LRRC56: variants seen among roughly 807,000 people sequenced by gnomAD.
The protein encoded by LRRC56 is leucine-rich repeat-containing protein 56.
In LRRC56, 41 loss-of-function variants were observed where a neutral mutation model predicts 47.8. The ratio of observed to expected loss-of-function variants is 0.86; its 90% confidence interval spans 0.67 to 1.11. The LOEUF is 1.11. Ranked by LOEUF, LRRC56 falls within the 50% of genes most tolerant of loss-of-function variation. LRRC56 has a pLI of 0.00. For missense variants in LRRC56, 759 were observed against 704.2 expected (o/e 1.08, Z -0.88); for synonymous variants, 387 against 311.2 (o/e 1.24, Z -2.56).
Position 554,851 on chromosome 11 carries a change from C to G in LRRC56, c.*575C>G, listed in dbSNP as rs958710966. On this transcript the variant is annotated 3_prime_UTR_variant, in exon 14 of 14. Coordinates refer to ENST00000270115, the MANE Select transcript of LRRC56 (RefSeq NM_198075.4). Reference sequence around the variant, plus strand: ...AACCCAAACCAACATTTCCAGCTCTCAGGTGTACAGAAATGCGGTTTACTT... The same window carrying G: ...AACCCAAACCAACATTTCCAGCTCTGAGGTGTACAGAAATGCGGTTTACTT... The G allele has an allele frequency of 2.7e-5, 18 of 656,286 alleles. No individual in the cohort carries two copies. The highest frequency in any genetic ancestry group is 4.3e-5 in the Non-Finnish European group (18 of 417,010). The allele number at this position is 656,286 out of a possible 1,614,324, so 40.7% of individuals were successfully genotyped here.
the LRRC56 span, among the ~76,000 whole-genome samples, chr11:518,343 A>G: frequency 1.3e-5 from 2 of 151,880 alleles, no homozygotes; most frequent in South Asian, 2.1e-4. Context: ...CACCACGCCC[A>G]GCTAATTTTT....
chr11:512,917 G>A, the LRRC56 span, among the ~76,000 whole-genome samples: 2 of 152,184 alleles, frequency 1.3e-5, no homozygotes, highest in Non-Finnish European at 2.9e-5. Context: ...CAGGCATGGT[G>A]GGAGTTACTA....
In LRRC56 at chr11:541,556, A is replaced by G. The variant is rs1328355655; in HGVS notation, c.197A>G (p.Asp66Gly). 2.5e-6 allele frequency: 4 copies of G among 1,580,784 alleles called. No individual in the cohort carries two copies. Among genetic ancestry groups the G allele is most frequent in the Non-Finnish European group, 3.4e-6 (4 of 1,161,892 alleles). ...CTACAGCAGGCCCTGGCCCGGGTGGATGACCTTCGGCTGGTGAGGACGCTG... is the reference window on the plus strand; with the variant it reads ...CTACAGCAGGCCCTGGCCCGGGTGGGTGACCTTCGGCTGGTGAGGACGCTG... ...PARLQALARV[D>G]DLRLVRTLEM... Residue 66 changes from aspartate to glycine, a missense_variant, in exon 5 of 14, where the codon GAT (aspartate) becomes GGT (glycine). By Grantham distance (94) the Asp-to-Gly change is moderately conservative. Transcript: ENST00000270115. This position sits in a 1 kb window ranked among gnomAD's most constrained non-coding sequence, Gnocchi z 4.1.
intron 5 of LRRC56, among the ~76,000 whole-genome samples, chr11:542,865 A>G (rs1334075912): frequency 1.3e-5 from 2 of 151,762 alleles, no homozygotes; most frequent in Non-Finnish European, 2.9e-5. Context: ...CATGCTGAAG[A>G]CCATATTCAA....
At chr11:509,640 C>G in the LRRC56 span, among the ~76,000 whole-genome samples, 79 of 152,152 alleles carry the variant, frequency 5.2e-4, 3 homozygotes, top group South Asian at 0.016. Flanking sequence ...CTCCGCCTCC[C>G]AGGTTCAAGC....
chr11:554,105 G>A lies in LRRC56; in HGVS notation c.1458G>A (p.Gly486=), dbSNP rs1156802670. The A allele has an allele frequency of 1.2e-6, 2 of 1,606,522 alleles. No individual in the cohort carries two copies. The highest frequency in any genetic ancestry group is 1.7e-6 in the Non-Finnish European group (2 of 1,178,320). Residue 486 remains glycine, a synonymous_variant, in exon 14 of 14, where the codon GGG becomes GGA. Coordinates refer to ENST00000270115, the MANE Select transcript of LRRC56 (RefSeq NM_198075.4). Reference sequence around the variant, plus strand: ...GGCTCCGAGTCCTGGGCAGCTGGGGGCCTGGCCTGGGTGATGGGGTGGCTG... The same window carrying A: ...GGCTCCGAGTCCTGGGCAGCTGGGGACCTGGCCTGGGTGATGGGGTGGCTG... The part of the protein sequence containing the change: ...GRRLRVLGSW[G]PGLGDGVAAV...
At chr11:506,829 C>T in the LRRC56 span, 39 of 152,318 alleles carry the variant, frequency 2.6e-4, no homozygotes, top group African/African-American at 9.2e-4. Context: ...GCCCCGCGCC[C>T]CGGGCAAGGA....
chr11:544,808 GC>G lies in LRRC56; in HGVS notation c.326+31del, dbSNP rs1404671108. The G allele has an allele frequency of 1.9e-6, 3 of 1,557,422 alleles. No homozygotes were observed. In the Middle Eastern group the frequency reaches 5.2e-4, roughly 268 times the overall value. ...GAGCGCCTGAGGGGGGTGGGCTGGG[GC>G]CCTGCCATGAGGGGGTCCGATGGGA... is the stretch of plus-strand genomic sequence containing the variant. On this transcript the variant is annotated intron_variant, in intron 6 of 13. Coordinates refer to ENST00000270115, the MANE Select transcript of LRRC56 (RefSeq NM_198075.4).
intron 5 of LRRC56, among the ~76,000 whole-genome samples, chr11:542,812 C>G (rs1019866808): frequency 1.3e-5 from 2 of 151,992 alleles, no homozygotes; most frequent in Non-Finnish European, 2.9e-5. Flanking sequence ...AAATGCAGTG[C>G]GATGGCCAAA....
chr11:554,086 G>C lies in LRRC56; in HGVS notation c.1439G>C (p.Arg480Pro), dbSNP rs758847206. Residue 480 changes from arginine (R) to proline (P), a missense_variant, in exon 14 of 14, where the codon CGA becomes CCA. Arg to Pro is a moderately radical substitution (Grantham distance 103, BLOSUM62 -2). Coordinates refer to ENST00000270115, the MANE Select transcript of LRRC56 (RefSeq NM_198075.4). ...CTGCAGTCCAGGGGGCGTCGGCTCC[G>C]AGTCCTGGGCAGCTGGGGGCCTGGC... ...TDLQSRGRRL[R>P]VLGSWGPGLG... 6.2e-7 allele frequency: 1 copy of C among 1,608,456 alleles called. No homozygotes were observed. The highest frequency in any genetic ancestry group is 1.7e-5 in the Admixed American group (1 of 59,756).
At position 554,752 on chromosome 11, in the gene LRRC56, CTCCGGGGGATCTGTAGGGT is replaced by C; in HGVS notation, c.*480_*498del. On this transcript the variant is annotated 3_prime_UTR_variant, in exon 14 of 14. Coordinates refer to ENST00000270115, the MANE Select transcript of LRRC56 (RefSeq NM_198075.4). ...CGGGGGTGCGGTCCAGGCCTCCCGT[CTCCGGGGGATCTGTAGGGT>C]TCCCGCACTGCGATAGGGCGGCCCG... The C allele has an allele frequency of 2.0e-6, 1 of 489,200 alleles. No homozygotes were observed. The highest frequency in any genetic ancestry group is 3.7e-5 in the East Asian group (1 of 26,820). 30.3% of individuals were successfully genotyped at this position (489,200 alleles called of 1,614,324 possible). A position where few individuals can be genotyped will look rare whatever the true frequency, so the allele number is the denominator to read the frequency against.
At chr11:521,966 T>C in the LRRC56 span, among the ~76,000 whole-genome samples, 7,158 of 149,918 alleles carry the variant, frequency 0.048, 336 homozygotes, top group East Asian at 0.16. Flanking sequence ...ATAACCCAAA[T>C]GAAGGCAGAA....
chr11:527,554 C>T, the LRRC56 span, among the ~76,000 whole-genome samples: 4 of 152,062 alleles, frequency 2.6e-5, no homozygotes, highest in African/African-American at 7.2e-5. Flanking sequence ...TTTTTTGAGA[C>T]GGAGTCTTGC....
At chr11:534,527 T>G (rs1252511799), upstream of LRRC56, 2 of 599,566 alleles carry the variant, frequency 3.3e-6, no homozygotes, top group Non-Finnish European at 5.9e-6. Context: ...CCTGTGCAGC[T>G]GCAACCCAGC....
chr11:532,575 G>T, upstream of LRRC56: 1 of 1,577,420 alleles, frequency 6.3e-7, no homozygotes, highest in Non-Finnish European at 8.6e-7. Context: ...ACCGGCAGGG[G>T]CGGGGAGCCG....
chr11:552,560 C>A lies in LRRC56; in HGVS notation c.1182-9C>A. The A allele has an allele frequency of 6.3e-7, 1 of 1,594,374 alleles. No individual in the cohort carries two copies. Among genetic ancestry groups the A allele is most frequent in the Non-Finnish European group, 8.5e-7 (1 of 1,170,196 alleles). On this transcript the variant is annotated splice_polypyrimidine_tract_variant and intron_variant, in intron 12 of 13. Coordinates refer to ENST00000270115, the MANE Select transcript of LRRC56 (RefSeq NM_198075.4). ...AGGGCTGGAGCTTCTCCTCCTCTCC[C>A]CACCCTAGCCCCCTCCCCTATAGGC...
the LRRC56 span, among the ~76,000 whole-genome samples, chr11:514,819 C>T: frequency 5.9e-5 from 9 of 152,132 alleles, no homozygotes; most frequent in South Asian, 2.1e-4. Context: ...TGTGTTATTG[C>T]GGTGTCTAGA....
chr11:524,036 T>C, the LRRC56 span, among the ~76,000 whole-genome samples: 4 of 152,158 alleles, frequency 2.6e-5, no homozygotes, highest in Admixed American at 2.6e-4. Flanking sequence ...GCAGACATAC[T>C]ATCATACAGG....
At chr11:518,454 TTACAGGC>T in the LRRC56 span, among the ~76,000 whole-genome samples, 1 of 152,174 alleles carries the variant, frequency 6.6e-6, no homozygotes, top group East Asian at 1.9e-4. Flanking sequence ...GTGCTTGGGA[TTACAGGC>T]GTGAGCCACC....
Sources: allele counts gnomAD v4.1 joint callset (sites outside exome capture counted in the v4.1 genomes callset), GRCh38; gene constraint gnomAD v4.1.1; non-coding constraint Gnocchi (gnomAD v3.1); transcripts MANE v1.5; gene names NCBI Gene and HGNC (gene_info 2026-07-23, HGNC 2026-07-21).